EIF4E3: variants seen among roughly 807,000 people sequenced by gnomAD.
The protein encoded by EIF4E3 is eukaryotic translation initiation factor 4E type 3.
In EIF4E3, 26 loss-of-function variants were observed where a neutral mutation model predicts 31.7. That is an observed-to-expected ratio of 0.82 (90% confidence interval 0.60 to 1.14). The LOEUF (loss-of-function observed/expected upper bound fraction) is 1.14. EIF4E3 is among the 50% of genes most tolerant of loss of function. EIF4E3 has a pLI of 0.00. For synonymous variants in EIF4E3, 128 were observed against 107.7 expected, an observed-to-expected ratio of 1.19 and a Z score of -1.17; for missense variants, 304 against 270.9, an observed-to-expected ratio of 1.12 and a Z score of -0.86.
chr3:71,679,126 T>C lies in EIF4E3; in HGVS notation c.*5556A>G, dbSNP rs2048895645. 6.6e-6 allele frequency: 1 copy of C among 152,206 alleles called. No homozygotes were observed. Among genetic ancestry groups the C allele is most frequent in the Non-Finnish European group, 1.5e-5 (1 of 68,036 alleles). The allele number at this position is 152,206 out of a possible 1,614,324, so 9.4% of individuals were successfully genotyped here. ...GAAAACAGAAACACTGTAAGTTTAT[T>C]AAAATGTTCAAAGTCCTTTAATATT... is the stretch of plus-strand genomic sequence containing the variant. On this transcript the variant is annotated 3_prime_UTR_variant, in exon 7 of 7. Coordinates refer to ENST00000425534, the MANE Select transcript of EIF4E3 (RefSeq NM_001134651.2).
upstream of EIF4E3, chr3:71,725,426 A>C: frequency 2.1e-6 from 2 of 962,044 alleles, no homozygotes; most frequent in Non-Finnish European, 2.4e-6. This position sits in a 1 kb window ranked among gnomAD's most constrained non-coding sequence, Gnocchi z 6.1. Context: ...AGCGCGGCTG[A>C]GTCACCCCCG....
At chr3:71,754,529 G>T (rs1034019945), upstream of EIF4E3, 345 of 1,342,024 alleles carry the variant, frequency 2.6e-4, no homozygotes, top group Non-Finnish European at 3.2e-4. This position sits in a 1 kb window ranked among gnomAD's most constrained non-coding sequence, Gnocchi z 5.8. Context: ...CGCCAGTGCT[G>T]GACGGCGGTG....
At chr3:71,753,939 G>T (rs1021688411), upstream of EIF4E3, 191 of 1,012,860 alleles carry the variant, frequency 1.9e-4, no homozygotes, top group Admixed American at 7.6e-4. Flanking sequence ...CCCGCAGGAC[G>T]GGGAGCTCGC....
At chr3:71,691,679 G>A (rs768055409) in intron 5 of EIF4E3, among the ~76,000 whole-genome samples, 24 of 152,120 alleles carry the variant, frequency 1.6e-4, no homozygotes, top group African/African-American at 4.6e-4. Flanking sequence ...CACATACGAC[G>A]TGTGCAATCT....
In EIF4E3 at chr3:71,679,092, C is replaced by T. The variant is rs1029952970; in HGVS notation, c.*5590G>A. On this transcript the variant is annotated 3_prime_UTR_variant, in exon 7 of 7. Coordinates refer to ENST00000425534, the MANE Select transcript of EIF4E3 (RefSeq NM_001134651.2). ...TTAATGTATATCCACAGCATCAATACCTCTATTTGAAAACAGAAACACTGT... is the reference window on the plus strand; with the variant it reads ...TTAATGTATATCCACAGCATCAATATCTCTATTTGAAAACAGAAACACTGT... The T allele has an allele frequency of 5.3e-5, 8 of 152,244 alleles. No homozygotes were observed. In the East Asian group the frequency reaches 1.5e-3, roughly 29 times the overall value. 9.4% of individuals were successfully genotyped at this position (152,244 alleles called of 1,614,324 possible).
intron 1 of EIF4E3, among the ~76,000 whole-genome samples, chr3:71,738,436 G>A (rs2049785481): frequency 6.6e-6 from 1 of 152,038 alleles, no homozygotes; most frequent in Non-Finnish European, 1.5e-5. Context: ...ATACAACAAT[G>A]TGGGTAGGTT....
chr3:71,747,763 T>C (rs148377987), intron 1 of EIF4E3, among the ~76,000 whole-genome samples: 36 of 152,338 alleles, frequency 2.4e-4, no homozygotes, highest in African/African-American at 8.2e-4. Flanking sequence ...CCCTGAGTTT[T>C]AGGTCTATCA....
intron 6 of EIF4E3, among the ~76,000 whole-genome samples, chr3:71,689,465 T>C (rs191910269): frequency 1.3e-5 from 2 of 152,350 alleles, no homozygotes; most frequent in African/African-American, 4.8e-5. Flanking sequence ...CACACACCTA[T>C]TCATACTGTT....
At chr3:71,726,012 C>A (rs113219171), upstream of EIF4E3, among the ~76,000 whole-genome samples, 1 of 152,120 alleles carries the variant, frequency 6.6e-6, no homozygotes, top group South Asian at 2.1e-4. Flanking sequence ...GAGTACAGAA[C>A]AAAGGGCGAG....
At position 71,680,176 on chromosome 3, in the gene EIF4E3, G is replaced by A. The variant is rs1369740766; in HGVS notation, c.*4506C>T. ...TTGTTGGTATCATACATTGGAATCA[G>A]GTCACCTGACAGAGCTTAGGGTTGG... On this transcript the variant is annotated 3_prime_UTR_variant, in exon 7 of 7. Transcript: ENST00000425534. 6.6e-6 allele frequency: 1 copy of A among 152,116 alleles called. No individual in the cohort carries two copies. The highest frequency in any genetic ancestry group is 1.5e-5 in the Non-Finnish European group (1 of 68,032). 9.4% of individuals were successfully genotyped at this position (152,116 alleles called of 1,614,324 possible).
chr3:71,707,699 T>G (rs1044549191), intron 2 of EIF4E3, among the ~76,000 whole-genome samples: 1 of 152,112 alleles, frequency 6.6e-6, no homozygotes, highest in Non-Finnish European at 1.5e-5. Context: ...GTTTATGGAC[T>G]GCATGGACAT....
At chr3:71,737,369 G>A (rs1252335137) in intron 1 of EIF4E3, among the ~76,000 whole-genome samples, 2 of 152,156 alleles carry the variant, frequency 1.3e-5, no homozygotes, top group Non-Finnish European at 2.9e-5. Flanking sequence ...CAAAACATAT[G>A]ACCACCTATT....
intron 2 of EIF4E3, among the ~76,000 whole-genome samples, chr3:71,707,819 G>A (rs1032618422): frequency 2.0e-5 from 3 of 151,754 alleles, no homozygotes; most frequent in African/African-American, 7.3e-5. Context: ...TCTTACGGGA[G>A]CAGTCTGTTG....
At chr3:71,752,977 C>T (rs2049949452) in intron 1 of EIF4E3, among the ~76,000 whole-genome samples, 1 of 152,196 alleles carries the variant, frequency 6.6e-6, no homozygotes, top group African/African-American at 2.4e-5. Context: ...TTCCAAGTCA[C>T]TTAAAGATGA....
intron 1 of EIF4E3, among the ~76,000 whole-genome samples, chr3:71,730,471 A>G (rs1168839067): frequency 6.6e-6 from 1 of 152,188 alleles, no homozygotes; most frequent in Non-Finnish European, 1.5e-5. Flanking sequence ...AGACCTCTGA[A>G]GATCTTTTAG....
Position 71,696,430 on chromosome 3 carries a change from G to A in EIF4E3, c.405+30C>T, listed in dbSNP as rs200481951. On this transcript the variant is annotated intron_variant, in intron 4 of 6. Transcript: ENST00000425534. ...GCAGTCAACAACTCCAAGCCTCGCC[G>A]GTTCTAGAAGAGGATCAGTAGGAAC... 2,309 of 1,612,822 alleles carry A rather than the reference G, an allele frequency of 1.4e-3. 12 individuals carry two copies. The highest frequency in any genetic ancestry group is 0.011 in the South Asian group (1,000 of 90,858).
chr3:71,744,177 A>C (rs550112811), intron 1 of EIF4E3, among the ~76,000 whole-genome samples: 2 of 152,348 alleles, frequency 1.3e-5, no homozygotes, highest in African/African-American at 4.8e-5. Context: ...AAACCAGGGG[A>C]AAATAGGATT....
chr3:71,676,169 C>T lies in EIF4E3; in HGVS notation c.*8513G>A, dbSNP rs1395223438. On this transcript the variant is annotated 3_prime_UTR_variant, in exon 7 of 7. Transcript: ENST00000425534. ...CAATTGCTTATAGTGTGTCATTTTGCACTCATCATTTAAAAGACTTACAAA... is the reference window on the plus strand; with the variant it reads ...CAATTGCTTATAGTGTGTCATTTTGTACTCATCATTTAAAAGACTTACAAA... The T allele has an allele frequency of 6.6e-6, 1 of 152,190 alleles. No individual in the cohort carries two copies. Among genetic ancestry groups the T allele is most frequent in the East Asian group, 1.9e-4 (1 of 5,206 alleles). 9.4% of individuals were successfully genotyped at this position (152,190 alleles called of 1,614,324 possible). A position where few individuals can be genotyped will look rare whatever the true frequency, so the allele number is the denominator to read the frequency against.
At chr3:71,703,023 T>C (rs1363212096) in intron 2 of EIF4E3, among the ~76,000 whole-genome samples, 1 of 152,276 alleles carries the variant, frequency 6.6e-6, no homozygotes, top group African/African-American at 2.4e-5. Context: ...AGGCTTATAA[T>C]TAATTCTGTT....
Sources: gnomAD v4.1 joint callset for allele counts (sites outside exome capture counted in the v4.1 genomes callset) on GRCh38, gnomAD v4.1.1 for gene constraint, Gnocchi (gnomAD v3.1) non-coding constraint, MANE v1.5 for transcripts, NCBI Gene and HGNC (gene_info 2026-07-23, HGNC 2026-07-21) for gene names.